Variants in RNF2 observed in about 807,000 individuals in gnomAD.
The protein encoded by RNF2 is E3 ubiquitin-protein ligase RING2.
Under a neutral mutation model 37.2 loss-of-function variants are expected in RNF2, and 6 were observed. The ratio of observed to expected loss-of-function variants is 0.16; its 90% confidence interval spans 0.09 to 0.32. The LOEUF is 0.32. RNF2 is among the 10% of genes least tolerant of loss of function. The pLI is 1.00. For missense variants in RNF2, 251 were observed against 404.0 expected (o/e 0.62, Z 3.25); for synonymous variants, 133 against 132.7 (o/e 1.00, Z -0.02).
intron 1 of RNF2, among the ~76,000 whole-genome samples, chr1:185,085,481 C>T (rs1014717496): frequency 1.3e-5 from 2 of 151,980 alleles, no homozygotes; most frequent in Admixed American, 1.3e-4. Context: ...ATTTAGTGCT[C>T]TCTCTAATTC....
intron 1 of RNF2, among the ~76,000 whole-genome samples, chr1:185,082,013 G>A (rs149514583): frequency 2.0e-5 from 3 of 152,214 alleles, no homozygotes; most frequent in Non-Finnish European, 2.9e-5. Flanking sequence ...TGAGCGGGTC[G>A]TCACTAGTTA....
chr1:185,083,647 T>G (rs1217872740), intron 1 of RNF2, among the ~76,000 whole-genome samples: 1 of 152,078 alleles, frequency 6.6e-6, no homozygotes, highest in African/African-American at 2.4e-5. Context: ...GGTGTATTTT[T>G]GTTTTTTGGA....
At chr1:185,074,642 A>G (rs1444927893) in intron 1 of RNF2, among the ~76,000 whole-genome samples, 1 of 152,202 alleles carries the variant, frequency 6.6e-6, no homozygotes, top group Non-Finnish European at 1.5e-5. Context: ...GCCTTCCTGT[A>G]TCAGTGGTTT....
At chr1:185,066,706 A>G (rs1335126772) in intron 1 of RNF2, among the ~76,000 whole-genome samples, 1 of 152,240 alleles carries the variant, frequency 6.6e-6, no homozygotes, top group Non-Finnish European at 1.5e-5. Context: ...GCAAAGGGAC[A>G]GAAAGAAAAT....
intron 1 of RNF2, among the ~76,000 whole-genome samples, chr1:185,080,435 G>A (rs890931445): frequency 1.3e-5 from 2 of 152,172 alleles, no homozygotes; most frequent in African/African-American, 4.8e-5. Context: ...TTGATCTAAA[G>A]CAAAGAGACA....
intron 1 of RNF2, among the ~76,000 whole-genome samples, chr1:185,074,133 A>G (rs1651073694): frequency 6.6e-6 from 1 of 152,232 alleles, no homozygotes; most frequent in South Asian, 2.1e-4. Flanking sequence ...CAGCATATTA[A>G]GAGGTAGAGA....
intron 1 of RNF2, among the ~76,000 whole-genome samples, chr1:185,046,715 T>A (rs954772276): frequency 6.6e-6 from 1 of 152,180 alleles, no homozygotes; most frequent in Non-Finnish European, 1.5e-5. Flanking sequence ...TGTTTTTCAA[T>A]TAAAAAAATT....
chr1:185,073,785 A>G (rs1651059275), intron 1 of RNF2, among the ~76,000 whole-genome samples: 1 of 152,234 alleles, frequency 6.6e-6, no homozygotes, highest in Admixed American at 6.5e-5. Context: ...TCTTCTCACA[A>G]CATTTCTGAC....
At chr1:185,051,194 C>T (rs965280644) in intron 1 of RNF2, among the ~76,000 whole-genome samples, 2 of 152,142 alleles carry the variant, frequency 1.3e-5, no homozygotes, top group Admixed American at 1.3e-4. Flanking sequence ...TAAACCCTCA[C>T]TATTTACACT....
Position 185,076,268 on chromosome 1 carries a change from G to GTTTTTTTTTTTTT in RNF2, c.-2-11256_-2-11244dup. ...TTTTCTTCTAGATCTTTTATGGGTT[G>GTTTTTTTTTTTTT]TTTTTTTTTTTTTTTTTTTTTTTTT... On this transcript the variant is annotated intron_variant, in intron 1 of 6. Transcript: ENST00000367510. Among the ~76,000 whole-genome samples the GTTTTTTTTTTTTT allele has an allele frequency of 3.3e-3, 91 of 27,342 alleles. 35 individuals are homozygous for GTTTTTTTTTTTTT. The highest frequency in any genetic ancestry group is 5.7e-3 in the Non-Finnish European group (75 of 13,180). The allele number at this position is 27,342 out of a possible 152,430, so 17.9% of individuals were successfully genotyped here. A position where few individuals can be genotyped will look rare whatever the true frequency, so the allele number is the denominator to read the frequency against.
chr1:185,070,891 C>A (rs1650953183), intron 1 of RNF2, among the ~76,000 whole-genome samples: 1 of 152,140 alleles, frequency 6.6e-6, no homozygotes, highest in Non-Finnish European at 1.5e-5. Context: ...CCGCCTCGGC[C>A]TCCCAAAGTG....
At chr1:185,057,323 T>C (rs114496275) in intron 1 of RNF2, among the ~76,000 whole-genome samples, 3,166 of 152,058 alleles carry the variant, frequency 0.021, 107 homozygotes, top group African/African-American at 0.071. Context: ...AATAAATAAA[T>C]AAAATCTAAA....
intron 2 of RNF2, among the ~76,000 whole-genome samples, chr1:185,088,527 G>T (rs939414555): frequency 6.6e-6 from 1 of 150,386 alleles, no homozygotes; most frequent in African/African-American, 2.4e-5. Flanking sequence ...TTGCACTCCA[G>T]CCTGGGCGAC....
chr1:185,089,911 AT>A (rs1651717775), intron 2 of RNF2, among the ~76,000 whole-genome samples: 1 of 151,696 alleles, frequency 6.6e-6, no homozygotes, highest in Admixed American at 6.6e-5. Flanking sequence ...CACACCTGTA[AT>A]CCCAGCTACT....
At chr1:185,057,448 T>A (rs1650467275) in intron 1 of RNF2, among the ~76,000 whole-genome samples, 2 of 152,236 alleles carry the variant, frequency 1.3e-5, no homozygotes, top group Non-Finnish European at 2.9e-5. Context: ...TTTATAAGTT[T>A]TTTTTAAGAT....
intron 2 of RNF2, among the ~76,000 whole-genome samples, chr1:185,088,322 A>G (rs1021986873): frequency 1.3e-5 from 2 of 152,264 alleles, no homozygotes; most frequent in Non-Finnish European, 2.9e-5. Context: ...AAGGAAAAAC[A>G]GGAGATTGAG....
chr1:185,096,187 TTATGTTGTGC>T (rs1294279417), intron 4 of RNF2, among the ~76,000 whole-genome samples: 2 of 152,226 alleles, frequency 1.3e-5, no homozygotes, highest in Non-Finnish European at 2.9e-5. Context: ...ATTTTAGTCT[TTATGTTGTGC>T]TATCAATTTT....
At chr1:185,074,980 T>C (rs1651101905) in intron 1 of RNF2, among the ~76,000 whole-genome samples, 1 of 151,970 alleles carries the variant, frequency 6.6e-6, no homozygotes, top group South Asian at 2.1e-4. Flanking sequence ...TATATATAGT[T>C]CCGTGTGTGT....
chr1:185,053,343 T>C (rs963064564), intron 1 of RNF2, among the ~76,000 whole-genome samples: 1 of 151,818 alleles, frequency 6.6e-6, no homozygotes, highest in African/African-American at 2.4e-5. Flanking sequence ...TCTTTTTCTT[T>C]TTTTTTTTAA....
Sources: allele counts gnomAD v4.1 joint callset (sites outside exome capture counted in the v4.1 genomes callset), GRCh38; gene constraint gnomAD v4.1.1; transcripts MANE v1.5; gene names NCBI Gene and HGNC (gene_info 2026-07-23, HGNC 2026-07-21).